Variants in KIAA1328 observed in about 807,000 individuals in gnomAD.
The protein encoded by KIAA1328 is KIAA1328.
In KIAA1328, 52 loss-of-function variants were observed where a neutral mutation model predicts 68.1. The observed-to-expected ratio is 0.76, with a 90% CI of 0.61 to 0.96. The LOEUF (loss-of-function observed/expected upper bound fraction) is 0.96. Among genes scored for constraint, KIAA1328 ranks in the 40% least tolerant of loss-of-function variants. The pLI, the probability that KIAA1328 is intolerant of heterozygous loss-of-function variation, is 0.00. For missense variants in KIAA1328, 641 were observed against 677.6 expected (o/e 0.95, Z 0.60); for synonymous variants, 232 against 239.4 (o/e 0.97, Z 0.28).
At chr18:37,125,627 A>G (rs995809085) in intron 7 of KIAA1328, among the ~76,000 whole-genome samples, 2 of 152,196 alleles carry the variant, frequency 1.3e-5, no homozygotes, top group African/African-American at 4.8e-5. Flanking sequence ...GAAAAGAGGG[A>G]AATGACAACA....
intron 9 of KIAA1328, among the ~76,000 whole-genome samples, chr18:37,200,740 A>G (rs2060094490): frequency 6.6e-6 from 1 of 150,434 alleles, no homozygotes; most frequent in Admixed American, 6.6e-5. Flanking sequence ...GAACCCGGGA[A>G]GCGGAGCTTG....
chr18:37,143,500 G>A (rs1225463335), intron 7 of KIAA1328, among the ~76,000 whole-genome samples: 2 of 133,958 alleles, frequency 1.5e-5, no homozygotes, highest in African/African-American at 5.9e-5. Flanking sequence ...GCCTTTCCAA[G>A]CTTTATGCCT....
chr18:37,106,422 CTT>C (rs1314317662), intron 7 of KIAA1328, among the ~76,000 whole-genome samples: 15 of 140,094 alleles, frequency 1.1e-4, no homozygotes, highest in Admixed American at 3.6e-4. Flanking sequence ...CTAAAAATCA[CTT>C]TTTTTTTTTT....
chr18:36,938,899 C>T (rs997313904), intron 5 of KIAA1328, among the ~76,000 whole-genome samples: 7 of 151,952 alleles, frequency 4.6e-5, no homozygotes, highest in African/African-American at 9.7e-5. Context: ...ACCATAAATG[C>T]GTGGGTTTAT....
At chr18:37,181,748 C>T (rs2059702633) in intron 9 of KIAA1328, among the ~76,000 whole-genome samples, 1 of 152,118 alleles carries the variant, frequency 6.6e-6, no homozygotes, top group Non-Finnish European at 1.5e-5. Context: ...GAATTCTACT[C>T]CTTGGCTTCA....
chr18:37,039,169 G>C (rs2055144667), intron 6 of KIAA1328, among the ~76,000 whole-genome samples: 1 of 151,884 alleles, frequency 6.6e-6, no homozygotes, highest in South Asian at 2.1e-4. Context: ...ATTGGTCCTT[G>C]TTTTTCTGTG....
chr18:37,020,087 G>A (rs1438335348), intron 6 of KIAA1328, among the ~76,000 whole-genome samples: 1 of 152,136 alleles, frequency 6.6e-6, no homozygotes, highest in African/African-American at 2.4e-5. Context: ...GATTAAGGCT[G>A]CTGGACACAG....
intron 2 of KIAA1328, among the ~76,000 whole-genome samples, chr18:36,834,978 G>A (rs1293366087): frequency 6.6e-6 from 1 of 151,964 alleles, no homozygotes; most frequent in African/African-American, 2.4e-5. Context: ...AGTCCAGCCT[G>A]GATAGACATA....
chr18:37,229,460 T>C, downstream of KIAA1328: 1 of 828,694 alleles, frequency 1.2e-6, no homozygotes, highest in Non-Finnish European at 1.6e-6. Context: ...GAAAATGAAG[T>C]TTAGCAAAAC....
intron 5 of KIAA1328, among the ~76,000 whole-genome samples, chr18:36,911,706 A>T (rs993649768): frequency 6.6e-5 from 10 of 152,162 alleles, no homozygotes; most frequent in African/African-American, 2.2e-4. Context: ...GCAAGTATAT[A>T]TTCCTTTTTA....
At chr18:36,987,548 A>G (rs114985650) in intron 6 of KIAA1328, among the ~76,000 whole-genome samples, 2,289 of 151,960 alleles carry the variant, frequency 0.015, 52 homozygotes, top group African/African-American at 0.051. Flanking sequence ...CAGACTATAT[A>G]CTGTATAATT....
At chr18:37,064,692 G>A (rs1225636803) in intron 6 of KIAA1328, among the ~76,000 whole-genome samples, 3 of 152,010 alleles carry the variant, frequency 2.0e-5, no homozygotes, top group African/African-American at 7.2e-5. Context: ...AAATCCAAGC[G>A]GTCCTTCTAA....
chr18:36,938,004 G>C (rs1009369862), intron 5 of KIAA1328, among the ~76,000 whole-genome samples: 2 of 151,798 alleles, frequency 1.3e-5, no homozygotes, highest in Admixed American at 1.3e-4. Flanking sequence ...ATTTTCTTTG[G>C]TCACTTAGGT....
At chr18:36,951,211 A>G (rs1482355081) in intron 5 of KIAA1328, among the ~76,000 whole-genome samples, 3 of 152,066 alleles carry the variant, frequency 2.0e-5, no homozygotes, top group Admixed American at 2.0e-4. Flanking sequence ...ACAGCACTAC[A>G]TAATGTTCTT....
chr18:37,079,166 T>G (rs867241595), intron 7 of KIAA1328, among the ~76,000 whole-genome samples: 12 of 122,126 alleles, frequency 9.8e-5, no homozygotes, highest in South Asian at 4.6e-4. Flanking sequence ...AATGATGAGT[T>G]CATGTCCTTT....
At chr18:36,890,919 A>G (rs923039911) in intron 5 of KIAA1328, among the ~76,000 whole-genome samples, 2 of 152,218 alleles carry the variant, frequency 1.3e-5, no homozygotes, top group Non-Finnish European at 2.9e-5. Flanking sequence ...GTAGAGAAAT[A>G]TGCAAAATTA....
chr18:37,002,228 C>CTTTTTT (rs145948250), intron 6 of KIAA1328, among the ~76,000 whole-genome samples: 2 of 95,164 alleles, frequency 2.1e-5, no homozygotes, highest in African/African-American at 3.7e-5. Flanking sequence ...ATTTTTTTTT[C>CTTTTTT]TTTTTTTTTT....
At chr18:36,877,855 G>A (rs2048189068) in intron 4 of KIAA1328, among the ~76,000 whole-genome samples, 1 of 151,666 alleles carries the variant, frequency 6.6e-6, no homozygotes, top group South Asian at 2.1e-4. Context: ...TTTTATTAGA[G>A]ACGGGGTTTC....
chr18:37,101,877 A>G (rs1029876231), intron 7 of KIAA1328, among the ~76,000 whole-genome samples: 6 of 152,190 alleles, frequency 3.9e-5, no homozygotes, highest in Non-Finnish European at 5.9e-5. Context: ...ATTCTTAAAG[A>G]AAGAATTTTC....
Sources: gnomAD v4.1 joint callset for allele counts (sites outside exome capture counted in the v4.1 genomes callset) on GRCh38, gnomAD v4.1.1 for gene constraint, MANE v1.5 for transcripts, NCBI Gene and HGNC (gene_info 2026-07-23, HGNC 2026-07-21) for gene names.